Variants in PRDM5 observed in about 807,000 individuals in gnomAD.
PRDM5 encodes PR/SET domain 5.
In PRDM5, 56 loss-of-function variants were observed where a neutral mutation model predicts 81.2. The ratio of observed to expected loss-of-function variants is 0.69; its 90% CI spans 0.56 to 0.86. The LOEUF (loss-of-function observed/expected upper bound fraction) is 0.86. Among genes scored for constraint, PRDM5 ranks in the 40% least tolerant of loss-of-function variants. The probability of loss-of-function intolerance (pLI) is 0.00; values close to 1 mark genes in which losing one functional copy is unlikely to be tolerated. For missense variants in PRDM5, 697 were observed against 770.1 expected, an observed-to-expected ratio of 0.91 and a Z score of 1.12; for synonymous variants, 267 against 256.4, an observed-to-expected ratio of 1.04 and a Z score of -0.39.
intron 7 of PRDM5, among the ~76,000 whole-genome samples, chr4:120,813,675 T>C (rs192717135): frequency 6.6e-6 from 1 of 152,318 alleles, no homozygotes; most frequent in African/African-American, 2.4e-5. Flanking sequence ...AATGAATATC[T>C]GATAGCATAT....
intron 14 of PRDM5, among the ~76,000 whole-genome samples, chr4:120,743,519 T>C (rs1157807008): frequency 1.0e-4 from 14 of 138,162 alleles, no homozygotes; most frequent in Non-Finnish European, 2.2e-4. Context: ...ATCAGTGTGC[T>C]GTATTCAGGA....
chr4:120,723,653 A>C (rs1458833825), intron 14 of PRDM5, among the ~76,000 whole-genome samples: 1 of 152,108 alleles, frequency 6.6e-6, no homozygotes, highest in Non-Finnish European at 1.5e-5. Context: ...AAATATGATA[A>C]AAAATATAGA....
intron 14 of PRDM5, among the ~76,000 whole-genome samples, chr4:120,724,546 C>A (rs1739113758): frequency 6.6e-6 from 1 of 152,142 alleles, no homozygotes; most frequent in Admixed American, 6.5e-5. Context: ...CCACATAGAA[C>A]TGAACTAATT....
At chr4:120,784,062 G>A (rs140681948) in intron 11 of PRDM5, among the ~76,000 whole-genome samples, 101 of 152,242 alleles carry the variant, frequency 6.6e-4, no homozygotes, top group African/African-American at 2.3e-3. Context: ...AGTAAGAAGT[G>A]TAAATATTAC....
intron 2 of PRDM5, among the ~76,000 whole-genome samples, chr4:120,902,210 T>G (rs940938072): frequency 6.6e-6 from 1 of 152,182 alleles, no homozygotes; most frequent in Non-Finnish European, 1.5e-5. Context: ...AACTAAATCA[T>G]GGTCAGAACA....
At chr4:120,898,120 C>G (rs1764853883) in intron 2 of PRDM5, among the ~76,000 whole-genome samples, 1 of 152,142 alleles carries the variant, frequency 6.6e-6, no homozygotes, top group African/African-American at 2.4e-5. Flanking sequence ...TCACCTTAAA[C>G]GCATCAGGGA....
chr4:120,911,038 T>C (rs542365538), intron 1 of PRDM5, among the ~76,000 whole-genome samples: 2 of 152,306 alleles, frequency 1.3e-5, no homozygotes, highest in African/African-American at 4.8e-5. Flanking sequence ...ACTTCTTCAC[T>C]TCTATCTCAA....
At chr4:120,831,951 A>C (rs549465237) in intron 3 of PRDM5, among the ~76,000 whole-genome samples, 1 of 152,120 alleles carries the variant, frequency 6.6e-6, no homozygotes, top group Admixed American at 6.5e-5. Flanking sequence ...ATTATTATAT[A>C]AGCAAGTGTG....
intron 14 of PRDM5, among the ~76,000 whole-genome samples, chr4:120,720,392 T>C (rs1483251140): frequency 2.0e-5 from 3 of 152,194 alleles, no homozygotes; most frequent in Non-Finnish European, 2.9e-5. Context: ...TTTAGCATGA[T>C]GGGCTTTGAG....
chr4:120,714,560 T>G (rs908519818), intron 14 of PRDM5, among the ~76,000 whole-genome samples: 5 of 152,196 alleles, frequency 3.3e-5, no homozygotes, highest in African/African-American at 1.2e-4. Flanking sequence ...TGTTTATGCC[T>G]ATTTGAAAAT....
chr4:120,882,910 C>CAAAGAAT (rs1269908141), intron 2 of PRDM5, among the ~76,000 whole-genome samples: 3 of 152,108 alleles, frequency 2.0e-5, no homozygotes, highest in Non-Finnish European at 4.4e-5. Context: ...GTAGTCCTAC[C>CAAAGAAT]AAAGAATAAA....
intron 3 of PRDM5, among the ~76,000 whole-genome samples, chr4:120,853,014 G>A (rs1759460177): frequency 6.6e-6 from 1 of 152,056 alleles, no homozygotes; most frequent in South Asian, 2.1e-4. Flanking sequence ...TCAAAGCCTG[G>A]TCACAGGGAA....
intron 1 of PRDM5, among the ~76,000 whole-genome samples, chr4:120,922,005 G>T (rs1282565760): frequency 6.6e-6 from 1 of 152,234 alleles, no homozygotes; most frequent in Non-Finnish European, 1.5e-5. Context: ...GGCCTGCGTG[G>T]AGCGGCGCTC....
intron 4 of PRDM5, among the ~76,000 whole-genome samples, chr4:120,820,267 T>C (rs1755091448): frequency 6.6e-6 from 1 of 152,064 alleles, no homozygotes; most frequent in South Asian, 2.1e-4. Flanking sequence ...AGCTAGAAGG[T>C]GCTATCTAAT....
chr4:120,823,614 A>T (rs1011530859), intron 3 of PRDM5, among the ~76,000 whole-genome samples: 2 of 152,160 alleles, frequency 1.3e-5, no homozygotes, highest in African/African-American at 2.4e-5. Flanking sequence ...CTAATTTTTG[A>T]TCATCCTACA....
chr4:120,719,974 C>CTG (rs79062194), intron 14 of PRDM5, among the ~76,000 whole-genome samples: 115,111 of 151,690 alleles, frequency 0.76, 44,187 homozygotes, highest in East Asian at 0.88. Context: ...AAGTCAGAAA[C>CTG]TGTCTTGTAT....
chr4:120,705,062 T>G (rs182853581), intron 15 of PRDM5, among the ~76,000 whole-genome samples: 1 of 152,252 alleles, frequency 6.6e-6, no homozygotes, highest in Admixed American at 6.5e-5. Flanking sequence ...GGATTCTAAA[T>G]AGAGACTGAA....
intron 1 of PRDM5, among the ~76,000 whole-genome samples, chr4:120,913,483 T>C (rs1449308726): frequency 6.6e-6 from 1 of 152,222 alleles, no homozygotes; most frequent in African/African-American, 2.4e-5. Flanking sequence ...AATGTAGTGG[T>C]GCCTATAATA....
intron 1 of PRDM5, 65 bp from the exon 2 acceptor site, chr4:120,907,622 CTT>C: frequency 7.8e-7 from 1 of 1,276,640 alleles, no homozygotes; most frequent in Non-Finnish European, 1.1e-6. Context: ...AAATAAACGA[CTT>C]TTTTCTTCTG....
Sources: gnomAD v4.1 joint callset for allele counts (sites outside exome capture counted in the v4.1 genomes callset) on GRCh38, gnomAD v4.1.1 for gene constraint, MANE v1.5 for transcripts, NCBI Gene and HGNC (gene_info 2026-07-23, HGNC 2026-07-21) for gene names.